The following DNAH6 variants were observed in gnomAD, a reference collection of about 807,000 sequenced individuals.
The protein encoded by DNAH6 is dynein axonemal heavy chain 6, also known as axonemal beta dynein heavy chain 6.
DNAH6 carries 340 observed loss-of-function variants against 491.4 expected under a neutral mutation model. The observed-to-expected ratio is 0.69, with a 90% confidence interval of 0.63 to 0.76. The LOEUF is 0.76. Ranked by LOEUF, DNAH6 falls within the 30% of genes least tolerant of loss-of-function variation. The pLI, the probability that DNAH6 is intolerant of heterozygous loss-of-function variation, is 0.00. For missense variants in DNAH6, 4,443 were observed against 4,972.2 expected (o/e 0.89, Z 3.20); for synonymous variants, 1,603 against 1,686.1 (o/e 0.95, Z 1.21).
At position 84,594,047 on chromosome 2, in the gene DNAH6, T is replaced by C; in HGVS notation, c.2686T>C (p.Phe896Leu). 6.4e-7 allele frequency: 1 copy of C among 1,550,680 alleles called. No homozygotes were observed. Among genetic ancestry groups the C allele is most frequent in the African/African-American group, 1.4e-5 (1 of 73,146 alleles). The change falls in exon 17 of 77, where the codon TTC (phenylalanine) becomes CTC (leucine). Residue 896 changes from phenylalanine (F) to leucine (L), a missense_variant. Physicochemically the swap from Phe to Leu is conservative, Grantham distance 22. Coordinates refer to ENST00000389394, the MANE Select transcript of DNAH6 (RefSeq NM_001370.2). ...LKLKQLLWDS[F>L]SEWDKLQQEW... ...GCTCAAACAATTGCTCTGGGATTCT[T>C]TCTCTGAATGGGATAAACTCCAACA...
In DNAH6 at chr2:84,718,390, T is replaced by C; in HGVS notation, c.9792+6T>C. Reference sequence around the variant, plus strand: ...ACACACTCCAGGATTCAAAGGCAAGTAAAATATTTTTAGTACTTATGGAAA... The same window carrying C: ...ACACACTCCAGGATTCAAAGGCAAGCAAAATATTTTTAGTACTTATGGAAA... On this transcript the variant is annotated splice_donor_region_variant and intron_variant, in intron 59 of 76. Transcript: ENST00000389394. 6.6e-7 allele frequency: 1 copy of C among 1,520,248 alleles called. No individual in the cohort carries two copies. The highest frequency in any genetic ancestry group is 8.8e-7 in the Non-Finnish European group (1 of 1,135,188). 94.2% of individuals were successfully genotyped at this position (1,520,248 alleles called of 1,614,324 possible).
rs1202305487 is a variant in DNAH6, at chr2:84,642,064, T to TA, written c.5078+11dup. On this transcript the variant is annotated intron_variant, in intron 33 of 76. Transcript: ENST00000389394. ...ATGCTCTTCTGTTCAGGTAAGTTTG[T>TA]AGACATTACCAAGTAAAGCATGGCT... 6.6e-7 allele frequency: 1 copy of TA among 1,523,416 alleles called. No homozygotes were observed. The highest frequency in any genetic ancestry group is 8.9e-7 in the Non-Finnish European group (1 of 1,122,652). The allele number at this position is 1,523,416 out of a possible 1,614,324, so 94.4% of individuals were successfully genotyped here.
intron 10 of DNAH6, among the ~76,000 whole-genome samples, chr2:84,556,553 T>G (rs530866410): frequency 6.6e-6 from 1 of 152,330 alleles, no homozygotes. Context: ...CTAATTAGAC[T>G]TTATATTTAT....
intron 30 of DNAH6, among the ~76,000 whole-genome samples, chr2:84,635,449 C>A (rs1326143596): frequency 6.6e-6 from 1 of 152,168 alleles, no homozygotes; most frequent in Admixed American, 6.5e-5. Flanking sequence ...GCTCCCTTAT[C>A]TGTACTCCCT....
rs963218621 is a variant in DNAH6, at chr2:84,784,923, A to G, written c.10953+113A>G. ...GAAGCATGTGGAGGTCTGTGTGGCC[A>G]GCATGGGGAGGTGAAGTCAGTATCT... On this transcript the variant is annotated intron_variant, in intron 66 of 76. Coordinates refer to ENST00000389394, the MANE Select transcript of DNAH6 (RefSeq NM_001370.2). The G allele has an allele frequency of 9.8e-6, 7 of 713,868 alleles. No individual in the cohort carries two copies. In the African/African-American group the frequency reaches 1.3e-4, roughly 13 times the overall value. 44.2% of individuals were successfully genotyped at this position (713,868 alleles called of 1,614,324 possible). A position where few individuals can be genotyped will look rare whatever the true frequency, so the allele number is the denominator to read the frequency against.
At chr2:84,734,392 G>T (rs1341815304) in intron 62 of DNAH6, among the ~76,000 whole-genome samples, 2 of 151,780 alleles carry the variant, frequency 1.3e-5, no homozygotes, top group Non-Finnish European at 2.9e-5. Context: ...CGCCTGCCTC[G>T]GCCTCCCAAA....
At chr2:84,537,293 T>TTGACTTCCCATAGTTCAGAATC (rs1677787717) in intron 4 of DNAH6, among the ~76,000 whole-genome samples, 1 of 152,106 alleles carries the variant, frequency 6.6e-6, no homozygotes, top group Admixed American at 6.6e-5. Flanking sequence ...GTCATAGCTT[T>TTGACTTCCCATAGTTCAGAATC]TGACTTCCCA....
the DNAH6 span, among the ~76,000 whole-genome samples, chr2:84,505,111 T>C: frequency 6.6e-6 from 1 of 152,216 alleles, no homozygotes; most frequent in Non-Finnish European, 1.5e-5. Context: ...TCATTTGCAA[T>C]GCTATTATAC....
chr2:84,577,520 C>T (rs1046949888), intron 13 of DNAH6, 112 bp downstream of exon 13: 6 of 759,840 alleles, frequency 7.9e-6, no homozygotes, highest in Non-Finnish European at 1.2e-5. Context: ...TAAAAATTAA[C>T]ATAAGACTAT....
chr2:84,660,023 A>C (rs1230112695), intron 37 of DNAH6, among the ~76,000 whole-genome samples: 1 of 152,152 alleles, frequency 6.6e-6, no homozygotes, highest in Non-Finnish European at 1.5e-5. Flanking sequence ...GTGTGTATAC[A>C]TACATGTAAA....
intron 63 of DNAH6, among the ~76,000 whole-genome samples, chr2:84,750,209 G>A (rs1397422957): frequency 2.1e-5 from 1 of 47,946 alleles, no homozygotes; most frequent in Non-Finnish European, 4.2e-5. Context: ...TTTTTTTTTT[G>A]GAGATGGAGT....
In DNAH6 at chr2:84,709,348, A is replaced by G. The variant is rs1696817889; in HGVS notation, c.9054A>G (p.Ile3018Met). 1.3e-6 allele frequency: 2 copies of G among 1,551,528 alleles called. No individual in the cohort carries two copies. The highest frequency in any genetic ancestry group is 1.7e-6 in the Non-Finnish European group (2 of 1,146,986). ...AAGCTTTCCCCCTTCTACAGCTTAT[A>G]GAGTGTTGGATCCAGGACTGTCAGT... is the stretch of plus-strand genomic sequence containing the variant. ...AFTAQYRQSL[I>M]ECWIQDCQSL... The change falls in exon 55 of 77, where the codon ATA (isoleucine) becomes ATG (methionine). Residue 3018 changes from isoleucine to methionine, a missense_variant. This residue lies in a region of DNAH6 where 1,463 missense variants were observed against 1,656.6 expected (regional missense o/e 0.88). Coordinates refer to ENST00000389394, the MANE Select transcript of DNAH6 (RefSeq NM_001370.2).
chr2:84,623,367 T>G lies in DNAH6; in HGVS notation c.4072-898T>G, dbSNP rs554612121. On this transcript the variant is annotated intron_variant, in intron 26 of 76. Transcript: ENST00000389394. ...ATCTTGTAAGGACCTAGGCCGACTCTTTTGACTCCAAATTCAATTCTACTT... is the reference window on the plus strand; with the variant it reads ...ATCTTGTAAGGACCTAGGCCGACTCGTTTGACTCCAAATTCAATTCTACTT... Among the ~76,000 whole-genome samples the G allele has an allele frequency of 8.5e-5, 13 of 152,288 alleles. No individual in the cohort carries two copies. The South Asian group carries it at 2.7e-3, about 32-fold the overall frequency.
At chr2:84,589,281 T>A (rs1418678300) in intron 16 of DNAH6, among the ~76,000 whole-genome samples, 2 of 152,218 alleles carry the variant, frequency 1.3e-5, no homozygotes, top group African/African-American at 4.8e-5. Flanking sequence ...TATCCTTTCT[T>A]AAGTAATATT....
At chr2:84,569,458 ATAC>A (rs1681557744) in intron 11 of DNAH6, among the ~76,000 whole-genome samples, 1 of 152,124 alleles carries the variant, frequency 6.6e-6, no homozygotes, top group Non-Finnish European at 1.5e-5. Context: ...TTTTCTGAGT[ATAC>A]CTTTTAATAT....
chr2:84,663,227 C>G (rs1364050068), intron 37 of DNAH6, among the ~76,000 whole-genome samples: 2 of 152,206 alleles, frequency 1.3e-5, no homozygotes, highest in East Asian at 3.9e-4. Flanking sequence ...TGGAAGAAAT[C>G]TGGATGGAGA....
At chr2:84,633,347 G>A (rs1688580913) in intron 29 of DNAH6, among the ~76,000 whole-genome samples, 1 of 151,932 alleles carries the variant, frequency 6.6e-6, no homozygotes, top group Non-Finnish European at 1.5e-5. Context: ...TTGCTTATGA[G>A]GCAGTCCTTC....
In DNAH6 at chr2:84,785,650, G is replaced by A. The variant is rs978443377; in HGVS notation, c.10994G>A (p.Arg3665Lys). Residue 3665 changes from arginine to lysine, a missense_variant, in exon 67 of 77, where the codon AGA (arginine) becomes AAA (lysine). Transcript: ENST00000389394. Reference sequence around the variant, plus strand: ...CCAAAAGGCTTACGTGCAAATATCAGACGAGCATTTACTGAAATGACACCT... The same window carrying A: ...CCAAAAGGCTTACGTGCAAATATCAAACGAGCATTTACTGAAATGACACCT... Reference protein sequence around the residue: ...EPPKGLRANIRRAFTEMTPSF... With the variant: ...EPPKGLRANIKRAFTEMTPSF... The A allele has an allele frequency of 1.3e-6, 2 of 1,548,590 alleles. No individual in the cohort carries two copies. Among genetic ancestry groups the A allele is most frequent in the East Asian group, 4.9e-5 (2 of 40,818 alleles).
chr2:84,641,896 G>T, intron 32 of DNAH6, 51 bp from the exon 33 acceptor site: 1 of 1,450,714 alleles, frequency 6.9e-7, no homozygotes, highest in Non-Finnish European at 9.4e-7. Context: ...AGAAAATCAT[G>T]TTCAACCTTA....
Sources: allele counts gnomAD v4.1 joint callset (sites outside exome capture counted in the v4.1 genomes callset), GRCh38; gene constraint gnomAD v4.1.1; regional missense constraint gnomAD v4.1.1; transcripts MANE v1.5; gene names NCBI Gene and HGNC (gene_info 2026-07-23, HGNC 2026-07-21).